ZZZ3: variants seen among roughly 807,000 people sequenced by gnomAD.
ZZZ3 encodes the protein ZZ-type zinc finger-containing protein 3.
Under a neutral mutation model 95.2 loss-of-function variants are expected in ZZZ3, and 22 were observed. The ratio of observed to expected loss-of-function variants is 0.23; its 90% CI spans 0.17 to 0.33. ZZZ3 has a LOEUF of 0.33. ZZZ3 is among the 10% of genes least tolerant of loss of function. The probability of loss-of-function intolerance (pLI) is 1.00; values close to 1 mark genes in which losing one functional copy is unlikely to be tolerated. For synonymous variants in ZZZ3, 335 were observed against 358.9 expected, an observed-to-expected ratio of 0.93 and a Z score of 0.75; for missense variants, 885 against 1,066.5, an observed-to-expected ratio of 0.83 and a Z score of 2.37.
At chr1:77,636,320 C>T (rs1167046582) in intron 4 of ZZZ3, among the ~76,000 whole-genome samples, 1 of 152,126 alleles carries the variant, frequency 6.6e-6, no homozygotes, top group African/African-American at 2.4e-5. Context: ...ATTTGCCTTG[C>T]AGTACAAACT....
chr1:77,633,428 A>G, intron 4 of ZZZ3, 23 bp from the exon 5 acceptor site: 1 of 1,481,574 alleles, frequency 6.7e-7, no homozygotes, highest in Non-Finnish European at 9.0e-7. Context: ...AAACAAAATA[A>G]TGAGAAAAAG....
chr1:77,594,347 G>T (rs1486924168), intron 5 of ZZZ3, among the ~76,000 whole-genome samples: 2 of 152,034 alleles, frequency 1.3e-5, no homozygotes, highest in Non-Finnish European at 2.9e-5. Flanking sequence ...CTGCCTGAAG[G>T]CAAAAATTTT....
At chr1:77,609,561 A>G (rs1665575936) in intron 5 of ZZZ3, among the ~76,000 whole-genome samples, 1 of 152,128 alleles carries the variant, frequency 6.6e-6, no homozygotes, top group Non-Finnish European at 1.5e-5. Context: ...GATACAGAAC[A>G]TTTCATCCAA....
intron 4 of ZZZ3, 104 bp from the exon 5 acceptor site, chr1:77,633,509 C>A: frequency 1.6e-6 from 1 of 641,070 alleles, no homozygotes; most frequent in Non-Finnish European, 2.5e-6. Flanking sequence ...TTGGACATTA[C>A]AGTCTATAAC....
At chr1:77,611,907 T>C (rs751890109) in intron 5 of ZZZ3, among the ~76,000 whole-genome samples, 2 of 152,106 alleles carry the variant, frequency 1.3e-5, no homozygotes, top group African/African-American at 4.8e-5. Flanking sequence ...TTCCTCAACA[T>C]TGGTGTTGGC....
At chr1:77,637,482 A>G (rs1668408159) in intron 4 of ZZZ3, among the ~76,000 whole-genome samples, 1 of 152,106 alleles carries the variant, frequency 6.6e-6, no homozygotes, top group Non-Finnish European at 1.5e-5. Flanking sequence ...ATAATTATCT[A>G]ATAAACTGAG....
At chr1:77,589,890 T>C (rs1435809790) in intron 5 of ZZZ3, among the ~76,000 whole-genome samples, 1 of 152,176 alleles carries the variant, frequency 6.6e-6, no homozygotes, top group Non-Finnish European at 1.5e-5. Flanking sequence ...AGATTTTATA[T>C]TCAACTGCAT....
rs1011518861 is a variant in ZZZ3 at position 77,565,396 on chromosome 1, C to T, written c.*244G>A. 2.4e-6 allele frequency: 1 copy of T among 409,554 alleles called. No individual in the cohort carries two copies. The highest frequency in any genetic ancestry group is 2.1e-5 in the African/African-American group (1 of 48,464). The allele number at this position is 409,554 out of a possible 1,614,324, so 25.4% of individuals were successfully genotyped here. ...CCATCTCACCCATTTAAGATCACCA[C>T]CTAAAACGCAGTGGTGAAAAATTCA... On this transcript the variant is annotated 3_prime_UTR_variant, in exon 15 of 15. Transcript: ENST00000370801.
Position 77,632,738 on chromosome 1 carries a change from T to C in ZZZ3, c.617A>G (p.Asp206Gly). 1 of 1,614,212 alleles carries C rather than the reference T, an allele frequency of 6.2e-7. No homozygotes were observed. The highest frequency in any genetic ancestry group is 8.5e-7 in the Non-Finnish European group (1 of 1,180,028). The change falls in exon 5 of 15, where the codon GAT becomes GGT. Residue 206 changes from aspartate to glycine, a missense_variant. Asp to Gly is a moderately conservative substitution (Grantham distance 94, BLOSUM62 -1). This residue lies in a region of ZZZ3 where 556 missense variants were observed against 652.9 expected (regional missense o/e 0.85). Transcript: ENST00000370801. The part of the protein sequence containing the change: ...ITGYLAVNGV[D>G]DSDSAVINCD... Reference sequence around the variant, plus strand: ...GTTTATAACAGCTGAATCACTGTCATCAACACCATTGACAGCCAAATAGCC... The same window carrying C: ...GTTTATAACAGCTGAATCACTGTCACCAACACCATTGACAGCCAAATAGCC...
chr1:77,673,229 T>C (rs1299272168), intron 1 of ZZZ3, among the ~76,000 whole-genome samples: 1 of 152,178 alleles, frequency 6.6e-6, no homozygotes, highest in Non-Finnish European at 1.5e-5. Flanking sequence ...TCATAAATCT[T>C]TCACTATGAC....
rs1557745546 is a variant in ZZZ3, at chr1:77,632,691, C to T, written c.664G>A (p.Gly222Arg). ...CCAATGCTATTTTGTTTAGTGTTCCCATCAGGCTGACAGTCATCACAGTTT... is the reference window on the plus strand; with the variant it reads ...CCAATGCTATTTTGTTTAGTGTTCCTATCAGGCTGACAGTCATCACAGTTT... ...VINCDDCQPD[G>R]NTKQNSIGSY... is the part of the protein sequence containing the mutation. Residue 222 changes from glycine to arginine, a missense_variant, in exon 5 of 15, where the codon GGG (glycine) becomes AGG (arginine). Physicochemically the swap from Gly to Arg is moderately radical, Grantham distance 125. This residue lies in a region of ZZZ3 where 556 missense variants were observed against 652.9 expected (regional missense o/e 0.85). Coordinates refer to ENST00000370801, the MANE Select transcript of ZZZ3 (RefSeq NM_015534.6). 1 of 1,614,150 alleles carries T rather than the reference C, an allele frequency of 6.2e-7. No individual in the cohort carries two copies.
In ZZZ3 at chr1:77,563,420, T is replaced by A. The variant is rs1660580289; in HGVS notation, c.*2220A>T. On this transcript the variant is annotated 3_prime_UTR_variant, in exon 15 of 15. Coordinates refer to ENST00000370801, the MANE Select transcript of ZZZ3 (RefSeq NM_015534.6). ...GCCTTTTAAAGCCATGGGGGCTGTT[T>A]CCTTGGAGCTGAAAAATGCAAAACA... 1 of 152,188 alleles carries A rather than the reference T, an allele frequency of 6.6e-6. No homozygotes were observed. The highest frequency in any genetic ancestry group is 1.5e-5 in the Non-Finnish European group (1 of 68,038). The allele number at this position is 152,188 out of a possible 1,614,324, so 9.4% of individuals were successfully genotyped here. A position where few individuals can be genotyped will look rare whatever the true frequency, so the allele number is the denominator to read the frequency against.
chr1:77,574,423 C>T (rs1661726795), intron 12 of ZZZ3, among the ~76,000 whole-genome samples: 1 of 151,892 alleles, frequency 6.6e-6, no homozygotes. Flanking sequence ...GTTGAATTTG[C>T]AATTAAAATA....
intron 1 of ZZZ3, among the ~76,000 whole-genome samples, chr1:77,663,783 T>A (rs965615875): frequency 1.6e-4 from 24 of 151,944 alleles, no homozygotes; most frequent in African/African-American, 5.8e-4. Context: ...AGTTTCGCTT[T>A]TGTTGCCCAG....
At chr1:77,582,824 G>A (rs1377373929) in intron 6 of ZZZ3, among the ~76,000 whole-genome samples, 1 of 152,008 alleles carries the variant, frequency 6.6e-6, no homozygotes, top group Non-Finnish European at 1.5e-5. Flanking sequence ...TTCCATTCTA[G>A]GCTGAGCGCA....
chr1:77,679,242 C>T (rs1460841173), intron 1 of ZZZ3, among the ~76,000 whole-genome samples: 2 of 152,062 alleles, frequency 1.3e-5, no homozygotes, highest in Non-Finnish European at 2.9e-5. Flanking sequence ...AAAAATGAAA[C>T]TCTTCTAGCA....
chr1:77,589,123 C>G (rs1471228482), intron 5 of ZZZ3, among the ~76,000 whole-genome samples: 2 of 152,186 alleles, frequency 1.3e-5, no homozygotes, highest in African/African-American at 2.4e-5. Flanking sequence ...GCTTTCCTCC[C>G]ACCTTGGCCT....
rs920421921 is a variant in ZZZ3, at chr1:77,563,461, C to G, written c.*2179G>C. The G allele has an allele frequency of 2.0e-5, 3 of 152,198 alleles. No individual in the cohort carries two copies. The highest frequency in any genetic ancestry group is 4.4e-5 in the Non-Finnish European group (3 of 68,036). The allele number at this position is 152,198 out of a possible 1,614,324, so 9.4% of individuals were successfully genotyped here. On this transcript the variant is annotated 3_prime_UTR_variant, in exon 15 of 15. Transcript: ENST00000370801. The stretch of plus-strand genomic sequence containing the variant: ...ATGCAAAACAAACACATCTTCTGCT[C>G]AAGCCGAAAAATCTTCTTAACTCAA...
At chr1:77,646,828 T>C (rs1304185763) in intron 1 of ZZZ3, among the ~76,000 whole-genome samples, 2 of 152,162 alleles carry the variant, frequency 1.3e-5, no homozygotes, top group African/African-American at 4.8e-5. Flanking sequence ...GAAAGGAAGG[T>C]GTCCCAAGCA....
Sources: gnomAD v4.1 joint callset for allele counts (sites outside exome capture counted in the v4.1 genomes callset) on GRCh38, gnomAD v4.1.1 for gene constraint, gnomAD v4.1.1 regional missense constraint, MANE v1.5 for transcripts, NCBI Gene and HGNC (gene_info 2026-07-23, HGNC 2026-07-21) for gene names.